The following RBMS3 variants were observed in gnomAD, a reference collection of about 807,000 sequenced individuals.
RBMS3 encodes RNA binding motif single stranded interacting protein 3, also known as RNA-binding motif, single-stranded-interacting protein 3.
Under a neutral mutation model 66.8 loss-of-function variants are expected in RBMS3, and 27 were observed. The ratio of observed to expected loss-of-function variants is 0.40; its 90% CI spans 0.30 to 0.56. The LOEUF is 0.56. RBMS3 is among the 20% of genes least tolerant of loss of function. The pLI, the probability that RBMS3 is intolerant of heterozygous loss-of-function variation, is 0.40. For synonymous variants in RBMS3, 188 were observed against 183.0 expected (o/e 1.03, Z -0.22); for missense variants, 513 against 549.5 (o/e 0.93, Z 0.66).
At chr3:29,729,623 A>T (rs1312772429) in intron 4 of RBMS3, among the ~76,000 whole-genome samples, 1 of 152,070 alleles carries the variant, frequency 6.6e-6, no homozygotes, top group South Asian at 2.1e-4. Context: ...AAGCGTTCCT[A>T]TTTCTCCACA....
intron 10 of RBMS3, among the ~76,000 whole-genome samples, chr3:29,923,411 T>G (rs2060845060): frequency 6.6e-6 from 1 of 152,030 alleles, no homozygotes; most frequent in South Asian, 2.1e-4. Flanking sequence ...AATGATGAGG[T>G]GGGGGGTTCT....
At chr3:29,538,591 G>C (rs2045655547) in intron 3 of RBMS3, among the ~76,000 whole-genome samples, 1 of 152,190 alleles carries the variant, frequency 6.6e-6, no homozygotes, top group South Asian at 2.1e-4. Context: ...GTTTGAATTT[G>C]TCTGGTGCTT....
At chr3:29,883,806 TCTTA>T (rs2059792109) in intron 7 of RBMS3, among the ~76,000 whole-genome samples, 1 of 152,058 alleles carries the variant, frequency 6.6e-6, no homozygotes, top group African/African-American at 2.4e-5. Context: ...CAGGATTCGT[TCTTA>T]CTTTTTTATC....
intron 1 of RBMS3, among the ~76,000 whole-genome samples, chr3:29,300,097 A>G (rs560262524): frequency 6.4e-4 from 97 of 152,104 alleles, no homozygotes; most frequent in African/African-American, 2.0e-3. Flanking sequence ...AGAAATAATA[A>G]CCACGAGGGA....
chr3:29,761,699 C>T (rs2055696393), intron 5 of RBMS3, among the ~76,000 whole-genome samples: 1 of 151,946 alleles, frequency 6.6e-6, no homozygotes, highest in Non-Finnish European at 1.5e-5. Flanking sequence ...TATAATATGG[C>T]CATGTAATAT....
At chr3:29,583,466 A>G (rs1345483191) in intron 3 of RBMS3, among the ~76,000 whole-genome samples, 1 of 152,204 alleles carries the variant, frequency 6.6e-6, no homozygotes, top group Admixed American at 6.5e-5. Context: ...AAGTAAGTTA[A>G]CATTTTTTAA....
intron 8 of RBMS3, among the ~76,000 whole-genome samples, chr3:29,887,858 A>T (rs1193879970): frequency 6.6e-6 from 1 of 151,824 alleles, no homozygotes; most frequent in African/African-American, 2.4e-5. Flanking sequence ...ACAAAGACAT[A>T]ATTTCCCAAA....
chr3:29,368,423 A>AGTT (rs2038021441), intron 1 of RBMS3, among the ~76,000 whole-genome samples: 1 of 152,030 alleles, frequency 6.6e-6, no homozygotes, highest in African/African-American at 2.4e-5. Context: ...CGTTATCCCC[A>AGTT]ATGCCTAGTA....
chr3:29,764,823 T>C (rs1284702278), intron 6 of RBMS3, among the ~76,000 whole-genome samples: 1 of 151,994 alleles, frequency 6.6e-6, no homozygotes, highest in Non-Finnish European at 1.5e-5. Context: ...TATTAACCTA[T>C]CTAATATCAT....
chr3:29,615,346 C>T (rs1426768839), intron 4 of RBMS3: 1 of 152,122 alleles, frequency 6.6e-6, no homozygotes, highest in Non-Finnish European at 1.5e-5. Flanking sequence ...GATCATGAAT[C>T]TTAAGACTAC....
chr3:29,351,092 GTTCA>G (rs1441044081), intron 1 of RBMS3, among the ~76,000 whole-genome samples: 5 of 151,862 alleles, frequency 3.3e-5, no homozygotes, highest in Non-Finnish European at 7.4e-5. Flanking sequence ...TTCCTCAGTT[GTTCA>G]TTTTGCTTTT....
At chr3:29,632,060 T>C (rs2049302349) in intron 4 of RBMS3, among the ~76,000 whole-genome samples, 1 of 152,052 alleles carries the variant, frequency 6.6e-6, no homozygotes, top group Non-Finnish European at 1.5e-5. Flanking sequence ...CCTTATTCTG[T>C]ATAAACTGGT....
intron 3 of RBMS3, among the ~76,000 whole-genome samples, chr3:29,536,764 G>T (rs780467800): frequency 6.6e-6 from 1 of 152,200 alleles, no homozygotes; most frequent in Non-Finnish European, 1.5e-5. Flanking sequence ...TAAATAGAAA[G>T]AGCAAGAAAA....
At chr3:29,967,938 G>A (rs950771820) in intron 12 of RBMS3, among the ~76,000 whole-genome samples, 1 of 152,010 alleles carries the variant, frequency 6.6e-6, no homozygotes, top group African/African-American at 2.4e-5. Context: ...TTTATCTTGT[G>A]TATTTTTGTG....
intron 4 of RBMS3, among the ~76,000 whole-genome samples, chr3:29,738,551 T>C (rs2054480595): frequency 6.6e-6 from 1 of 152,236 alleles, no homozygotes; most frequent in African/African-American, 2.4e-5. Context: ...AAGCAAAACT[T>C]ATTTAAGCAT....
intron 1 of RBMS3, among the ~76,000 whole-genome samples, chr3:29,297,410 A>C (rs2033349126): frequency 6.6e-6 from 1 of 151,860 alleles, no homozygotes; most frequent in African/African-American, 2.4e-5. Flanking sequence ...AATTGACTTG[A>C]TACGTGAATA....
At position 29,301,588 on chromosome 3, in the gene RBMS3, C is replaced by T. The variant is rs180701591; in HGVS notation, c.75+19832C>T. 9.3e-4 allele frequency among the ~76,000 whole-genome samples: 141 copies of T among 152,056 alleles called. 1 individual carries two copies. Among genetic ancestry groups the T allele is most frequent in the Non-Finnish European group, 1.8e-3 (124 of 67,938 alleles). On this transcript the variant is annotated intron_variant, in intron 1 of 14. Transcript: ENST00000383767. ...CTACCCAGTTTTGAGGAGTTTTTGT[C>T]AGAAAGAATGAGACAATTGGGCGTA...
At chr3:29,695,812 A>C (rs1162986800) in intron 4 of RBMS3, among the ~76,000 whole-genome samples, 1 of 152,240 alleles carries the variant, frequency 6.6e-6, no homozygotes, top group Non-Finnish European at 1.5e-5. Flanking sequence ...TGAGTTTCAC[A>C]AACAATCCCA....
rs568883916 is a variant in RBMS3 at position 29,510,466 on chromosome 3, A to T, written c.307+21967A>T. Among the ~76,000 whole-genome samples the T allele has an allele frequency of 9.0e-4, 137 of 152,344 alleles. 3 individuals are homozygous for T. The highest frequency in any genetic ancestry group is 3.5e-3 in the Admixed American group (54 of 15,294). On this transcript the variant is annotated intron_variant, in intron 3 of 14. Transcript: ENST00000383767. ...TTCCCTGCCTAGGTTAGCTCTTGGT[A>T]AAGTCCCTTTTCTATTGCCTATGTC...
Sources: gnomAD v4.1 joint callset for allele counts (sites outside exome capture counted in the v4.1 genomes callset) on GRCh38, gnomAD v4.1.1 for gene constraint, MANE v1.5 for transcripts, NCBI Gene and HGNC (gene_info 2026-07-23, HGNC 2026-07-21) for gene names.